The following MDGA2 variants were observed in gnomAD, a reference collection of about 807,000 sequenced individuals.
The protein encoded by MDGA2 is MAM domain-containing glycosylphosphatidylinositol anchor protein 2.
A neutral mutation model predicts 117.8 loss-of-function variants in MDGA2; 40 were observed. The ratio of observed to expected loss-of-function variants is 0.34; its 90% confidence interval spans 0.26 to 0.44. The LOEUF (loss-of-function observed/expected upper bound fraction) is 0.44. Among genes scored for constraint, MDGA2 ranks in the 20% least tolerant of loss-of-function variants. The pLI is 1.00. For missense variants in MDGA2, 1,123 were observed against 1,250.6 expected, an observed-to-expected ratio of 0.90 and a Z score of 1.54; for synonymous variants, 452 against 439.0, an observed-to-expected ratio of 1.03 and a Z score of -0.37.
At chr14:47,334,556 G>A (rs1270995044) in intron 1 of MDGA2, among the ~76,000 whole-genome samples, 2 of 151,836 alleles carry the variant, frequency 1.3e-5, no homozygotes, top group East Asian at 3.9e-4. Flanking sequence ...CACATGCAGT[G>A]AATAAATAGT....
chr14:47,642,932 G>A (rs17119003), intron 1 of MDGA2, among the ~76,000 whole-genome samples: 7,023 of 151,986 alleles, frequency 0.046, 154 homozygotes, highest in Middle Eastern at 0.068. Flanking sequence ...ATGGGACTTG[G>A]GCTTAATGTG....
intron 8 of MDGA2, among the ~76,000 whole-genome samples, chr14:47,019,263 G>A (rs1182781761): frequency 1.3e-5 from 2 of 152,184 alleles, no homozygotes; most frequent in South Asian, 2.1e-4. Context: ...AATGTAGGAA[G>A]AATCATCATA....
At chr14:47,431,001 A>G (rs1258351492) in intron 1 of MDGA2, among the ~76,000 whole-genome samples, 1 of 152,040 alleles carries the variant, frequency 6.6e-6, no homozygotes, top group East Asian at 1.9e-4. Flanking sequence ...AGGCATTTGC[A>G]GCCCTTATAG....
At chr14:47,143,538 A>G (rs1387676314) in intron 4 of MDGA2, among the ~76,000 whole-genome samples, 1 of 152,174 alleles carries the variant, frequency 6.6e-6, no homozygotes, top group African/African-American at 2.4e-5. Context: ...AACTTTTATT[A>G]AATACATTTT....
In MDGA2 at chr14:47,027,627, T is replaced by TTTTA. The variant is rs1555344546; in HGVS notation, c.1819+7383_1819+7384insTAAA. ...TTGCTCTATCTGAAGATATTATATA[T>TTTTA]TATATATATATATATATGCAATGCA... On this transcript the variant is annotated intron_variant, in intron 8 of 16. Coordinates refer to ENST00000399232, the MANE Select transcript of MDGA2 (RefSeq NM_001113498.3). Among the ~76,000 whole-genome samples the TTTTA allele has an allele frequency of 9.8e-3, 1,431 of 145,952 alleles. 9 individuals are homozygous for TTTTA. Among genetic ancestry groups the TTTTA allele is most frequent in the Middle Eastern group, 0.029 (8 of 276 alleles).
chr14:47,013,772 G>GTATATATA (rs71448157), intron 8 of MDGA2, among the ~76,000 whole-genome samples: 18,610 of 93,320 alleles, frequency 0.2, 3,220 homozygotes, highest in East Asian at 0.43. Context: ...TAATTTCCTT[G>GTATATATA]TATATATATA....
At chr14:47,573,993 T>C (rs1044793886) in intron 1 of MDGA2, among the ~76,000 whole-genome samples, 1 of 152,200 alleles carries the variant, frequency 6.6e-6, no homozygotes, top group Non-Finnish European at 1.5e-5. Flanking sequence ...TTTTTGTCTT[T>C]ATTCGCTATT....
intron 3 of MDGA2, among the ~76,000 whole-genome samples, chr14:47,217,142 C>G (rs1032583483): frequency 6.6e-6 from 1 of 151,972 alleles, no homozygotes; most frequent in Non-Finnish European, 1.5e-5. Context: ...AGGTAACATC[C>G]TATCCTGCAA....
At chr14:47,583,909 G>A (rs574279990) in intron 1 of MDGA2, among the ~76,000 whole-genome samples, 2 of 151,804 alleles carry the variant, frequency 1.3e-5, no homozygotes, top group South Asian at 4.1e-4. Context: ...GTTATGTAAA[G>A]GGAAGACAAT....
At chr14:47,009,763 A>G (rs12050303) in intron 8 of MDGA2, among the ~76,000 whole-genome samples, 22,580 of 151,912 alleles carry the variant, frequency 0.15, 1,912 homozygotes, top group South Asian at 0.27. Context: ...TTTCTCAGGG[A>G]AAGAGGGCAG....
intron 1 of MDGA2, among the ~76,000 whole-genome samples, chr14:47,491,659 T>C (rs1158162545): frequency 6.6e-6 from 1 of 152,268 alleles, no homozygotes; most frequent in South Asian, 2.1e-4. Flanking sequence ...ATCCCAGATA[T>C]ACAGCCATGA....
chr14:47,168,961 A>G (rs1884006077), intron 3 of MDGA2, among the ~76,000 whole-genome samples: 1 of 152,104 alleles, frequency 6.6e-6, no homozygotes, highest in Non-Finnish European at 1.5e-5. Context: ...GAGACTTTAA[A>G]TAGTACTCTT....
chr14:47,440,620 A>T (rs1031133424), intron 1 of MDGA2, among the ~76,000 whole-genome samples: 3 of 152,122 alleles, frequency 2.0e-5, no homozygotes, highest in African/African-American at 7.2e-5. Context: ...ACCATAAAGT[A>T]ATAAAGAAAA....
At chr14:47,482,736 T>C (rs981145013) in intron 1 of MDGA2, among the ~76,000 whole-genome samples, 1 of 152,018 alleles carries the variant, frequency 6.6e-6, no homozygotes, top group Non-Finnish European at 1.5e-5. Context: ...TGATAAGTTA[T>C]AGTAAGTAAG....
intron 2 of MDGA2, among the ~76,000 whole-genome samples, chr14:47,223,256 A>G (rs1886364119): frequency 6.6e-6 from 1 of 152,198 alleles, no homozygotes; most frequent in Non-Finnish European, 1.5e-5. Context: ...ACACAACCAA[A>G]CCATATCAAC....
At chr14:47,456,656 C>G (rs1268124466) in intron 1 of MDGA2, among the ~76,000 whole-genome samples, 1 of 151,898 alleles carries the variant, frequency 6.6e-6, no homozygotes, top group Non-Finnish European at 1.5e-5. Context: ...AGATAGTGGA[C>G]AAATCATTAG....
At chr14:46,856,593 G>A (rs936540566) in intron 14 of MDGA2, among the ~76,000 whole-genome samples, 7 of 151,946 alleles carry the variant, frequency 4.6e-5, no homozygotes, top group East Asian at 1.9e-4. Context: ...TTCCCTAAGC[G>A]TAATATTGAT....
At chr14:47,102,895 G>T (rs774129629) in intron 5 of MDGA2, among the ~76,000 whole-genome samples, 1 of 152,170 alleles carries the variant, frequency 6.6e-6, no homozygotes, top group Non-Finnish European at 1.5e-5. Context: ...CAGGAGGAAA[G>T]GCAAGACACC....
chr14:47,042,132 T>G (rs1889092400), intron 7 of MDGA2, among the ~76,000 whole-genome samples: 1 of 152,076 alleles, frequency 6.6e-6, no homozygotes, highest in Non-Finnish European at 1.5e-5. Flanking sequence ...GTAGAATGTA[T>G]AGTCTATATT....
Sources: allele counts gnomAD v4.1 joint callset (sites outside exome capture counted in the v4.1 genomes callset), GRCh38; gene constraint gnomAD v4.1.1; transcripts MANE v1.5; gene names NCBI Gene and HGNC (gene_info 2026-07-23, HGNC 2026-07-21).